The following LAPTM4A variants were observed in gnomAD, a reference collection of about 807,000 sequenced individuals.
LAPTM4A encodes the protein lysosomal-associated transmembrane protein 4A.
In LAPTM4A, 19 loss-of-function variants were observed where a neutral mutation model predicts 29.9. The observed-to-expected ratio is 0.64, with a 90% confidence interval of 0.44 to 0.93. The LOEUF (loss-of-function observed/expected upper bound fraction) is 0.93, where lower values mean the gene tolerates loss of function less well. Among genes scored for constraint, LAPTM4A ranks in the 40% least tolerant of loss-of-function variants. The probability of loss-of-function intolerance (pLI) is 0.00; values close to 1 mark genes in which losing one functional copy is unlikely to be tolerated. For synonymous variants in LAPTM4A, 105 were observed against 102.1 expected (o/e 1.03, Z -0.17); for missense variants, 293 against 288.5 (o/e 1.02, Z -0.11).
Position 20,044,123 on chromosome 2 carries a change from C to T in LAPTM4A, c.112-3112G>A, listed in dbSNP as rs375106783. 4.9e-4 allele frequency among the ~76,000 whole-genome samples: 74 copies of T among 152,342 alleles called. No homozygotes were observed. In the South Asian group the frequency reaches 0.015, roughly 30 times the overall value. ...GACTTACCAGGAACAATCACTTTTG[C>T]AAGGTGGCTCTCCCCAGTTGAAAGC... On this transcript the variant is annotated intron_variant, in intron 1 of 6. Coordinates refer to ENST00000175091, the MANE Select transcript of LAPTM4A (RefSeq NM_014713.5).
intron 1 of LAPTM4A, among the ~76,000 whole-genome samples, chr2:20,047,217 G>A (rs1476503301): frequency 6.6e-6 from 1 of 150,894 alleles, no homozygotes; most frequent in Non-Finnish European, 1.5e-5. Flanking sequence ...GTGAAACCCC[G>A]TCTCTACTAA....
intron 1 of LAPTM4A, among the ~76,000 whole-genome samples, chr2:20,044,916 A>T (rs563926168): frequency 2.4e-4 from 37 of 152,174 alleles, no homozygotes; most frequent in South Asian, 1.2e-3. Flanking sequence ...ACTTAAAAAA[A>T]TTTTTTTTGT....
Position 20,033,206 on chromosome 2 carries a change from C to T in LAPTM4A, c.701G>A (p.Ter234=). Residue 234 remains the stop codon, a stop_retained_variant, in exon 7 of 7, where the codon TGA becomes TAA. Transcript: ENST00000175091. ...TTTATTGTCAAAGGCAGAATTTCTT[C>T]AGGCAGGTAAGTAAGGAGGTGGTGG... The part of the protein sequence containing the change: ...KEPPPPYLPA[*] 6.2e-7 allele frequency: 1 copy of T among 1,613,604 alleles called. No individual in the cohort carries two copies. Among genetic ancestry groups the T allele is most frequent in the South Asian group, 1.1e-5 (1 of 91,068 alleles).
chr2:20,048,911 C>T (rs2148215999), intron 1 of LAPTM4A, among the ~76,000 whole-genome samples: 1 of 152,314 alleles, frequency 6.6e-6, no homozygotes, highest in East Asian at 1.9e-4. Context: ...ATAAGTGTTA[C>T]ATGTCTCCCC....
At position 20,039,401 on chromosome 2, in the gene LAPTM4A, T is replaced by A. The variant is rs78013284; in HGVS notation, c.232+1490A>T. On this transcript the variant is annotated intron_variant, in intron 2 of 6. Transcript: ENST00000175091. ...ATTCAGGTAAAAACAAAATATGAAA[T>A]TAAACAGGTATTATCAAACTTGAAA... Among the ~76,000 whole-genome samples the A allele has an allele frequency of 6.1e-3, 931 of 152,340 alleles. 8 individuals are homozygous for A. The highest frequency in any genetic ancestry group is 0.014 in the Middle Eastern group (4 of 294).
intron 4 of LAPTM4A, 47 bp from the exon 5 acceptor site, chr2:20,035,109 C>T (rs1429638850): frequency 5.6e-5 from 72 of 1,282,086 alleles, no homozygotes; most frequent in Non-Finnish European, 7.9e-5. Flanking sequence ...ATCGCACTAG[C>T]ACTTGCTGAT....
intron 1 of LAPTM4A, among the ~76,000 whole-genome samples, chr2:20,049,731 TGAG>T (rs1436279610): frequency 6.6e-6 from 1 of 152,126 alleles, no homozygotes; most frequent in Non-Finnish European, 1.5e-5. Flanking sequence ...GGGAAGGATC[TGAG>T]AAGAAACAGG....
At chr2:20,039,619 T>C (rs1165072715) in intron 2 of LAPTM4A, among the ~76,000 whole-genome samples, 1 of 152,058 alleles carries the variant, frequency 6.6e-6, no homozygotes, top group East Asian at 1.9e-4. Flanking sequence ...GCAGCTGAGG[T>C]GGGAGGATCA....
intron 1 of LAPTM4A, among the ~76,000 whole-genome samples, chr2:20,043,340 G>C (rs986992041): frequency 6.7e-6 from 1 of 148,870 alleles, no homozygotes; most frequent in Non-Finnish European, 1.5e-5. Context: ...TCAGCCTCCC[G>C]AGTAGCTGGG....
At chr2:20,045,849 C>A (rs1046514379) in intron 1 of LAPTM4A, among the ~76,000 whole-genome samples, 3 of 152,140 alleles carry the variant, frequency 2.0e-5, no homozygotes, top group Non-Finnish European at 2.9e-5. Flanking sequence ...GAGCCAGTAT[C>A]TACTGAGATA....
intron 1 of LAPTM4A, among the ~76,000 whole-genome samples, chr2:20,045,594 T>G (rs2148214133): frequency 6.6e-6 from 1 of 152,320 alleles, no homozygotes; most frequent in African/African-American, 2.4e-5. Flanking sequence ...TACTGTAAAT[T>G]TAATCAGTCA....
intron 4 of LAPTM4A, among the ~76,000 whole-genome samples, chr2:20,036,759 C>G (rs1039478666): frequency 3.9e-5 from 6 of 152,328 alleles, no homozygotes; most frequent in South Asian, 4.1e-4. Context: ...TCCCTGCCCC[C>G]CTCCATATGA....
intron 1 of LAPTM4A, among the ~76,000 whole-genome samples, chr2:20,045,672 G>A (rs1319310016): frequency 1.3e-5 from 2 of 152,138 alleles, no homozygotes; most frequent in Non-Finnish European, 2.9e-5. Context: ...TAAGAAATCT[G>A]TTAGATTTGA....
intron 1 of LAPTM4A, among the ~76,000 whole-genome samples, chr2:20,043,294 A>T (rs1326408467): frequency 6.9e-6 from 1 of 145,210 alleles, no homozygotes; most frequent in Non-Finnish European, 1.5e-5. Flanking sequence ...GGCTTACTGC[A>T]GCTTCCACCT....
intron 4 of LAPTM4A, among the ~76,000 whole-genome samples, chr2:20,035,764 G>A (rs1673665006): frequency 6.6e-6 from 1 of 152,136 alleles, no homozygotes; most frequent in Non-Finnish European, 1.5e-5. Context: ...GAACAAAACA[G>A]AGGAGAGAAA....
chr2:20,049,028 A>C (rs1673998442), intron 1 of LAPTM4A, among the ~76,000 whole-genome samples: 1 of 152,230 alleles, frequency 6.6e-6, no homozygotes, highest in African/African-American at 2.4e-5. Context: ...TCCAGTACTT[A>C]TTCTGATTAG....
chr2:20,033,615 TGAG>T (rs752494032), intron 6 of LAPTM4A, among the ~76,000 whole-genome samples: 6 of 152,178 alleles, frequency 3.9e-5, no homozygotes, highest in Non-Finnish European at 8.8e-5. Flanking sequence ...CTTCAGGTGT[TGAG>T]GAGTTGGGTT....
chr2:20,044,846 C>T (rs1234570676), intron 1 of LAPTM4A, among the ~76,000 whole-genome samples: 1 of 152,216 alleles, frequency 6.6e-6, no homozygotes, highest in Non-Finnish European at 1.5e-5. Flanking sequence ...TAGATCACAT[C>T]ATTTCATTAG....
chr2:20,039,516 G>A (rs1159431637), intron 2 of LAPTM4A, among the ~76,000 whole-genome samples: 1 of 152,176 alleles, frequency 6.6e-6, no homozygotes, highest in Non-Finnish European at 1.5e-5. Flanking sequence ...CACTTTGGGA[G>A]GCTGAAGTGG....
Sources: allele counts gnomAD v4.1 joint callset (sites outside exome capture counted in the v4.1 genomes callset), GRCh38; gene constraint gnomAD v4.1.1; transcripts MANE v1.5; gene names NCBI Gene and HGNC (gene_info 2026-07-23, HGNC 2026-07-21).